The following ACOT9 variants were observed in gnomAD, a reference collection of about 807,000 sequenced individuals.
ACOT9 encodes the protein acyl-coenzyme A thioesterase 9, mitochondrial.
Under a neutral mutation model 39.7 loss-of-function variants are expected in ACOT9, and 34 were observed. The ratio of observed to expected loss-of-function variants is 0.86; its 90% CI spans 0.65 to 1.14. ACOT9 has a LOEUF of 1.14. Ranked by LOEUF, ACOT9 falls within the 50% of genes most tolerant of loss-of-function variation. ACOT9 has a pLI of 0.00. For synonymous variants in ACOT9, 110 were observed against 120.5 expected (o/e 0.91, Z 0.57); for missense variants, 313 against 344.1 (o/e 0.91, Z 0.71).
chrX:23,705,014 T>G lies in ACOT9; in HGVS notation c.1086A>C (p.Ser362=). The change falls in exon 14 of 16, where the codon TCA becomes TCC. Residue 362 remains serine, a synonymous_variant. Coordinates refer to ENST00000379303, the MANE Select transcript of ACOT9 (RefSeq NM_001037171.2). Reference sequence around the variant, plus strand: ...CTACCTGTGAAGAAAGAAAGAGCAATGAGCCAACCTCAACAGGTTTCTGAA... The same window carrying G: ...CTACCTGTGAAGAAAGAAAGAGCAAGGAGCCAACCTCAACAGGTTTCTGAA... ...IMFQKPVEVG[S]LLFLSSQVCF... 1.7e-6 allele frequency: 2 copies of G among 1,210,935 alleles called. No individual in the cohort carries two copies. Among genetic ancestry groups the G allele is most frequent in the Non-Finnish European group, 2.2e-6 (2 of 895,182 alleles).
intron 9 of ACOT9, among the ~76,000 whole-genome samples, chrX:23,712,497 TGTAA>T (rs755487426): frequency 1.3e-4 from 14 of 110,477 alleles, no homozygotes; most frequent in African/African-American, 3.0e-4. Context: ...TTTTTATGTC[TGTAA>T]GTCTGTTTTT....
chrX:23,714,378 T>C (rs1328160464), intron 8 of ACOT9, among the ~76,000 whole-genome samples: 2 of 111,367 alleles, frequency 1.8e-5, no homozygotes, highest in African/African-American at 6.5e-5. Context: ...TTAAGTTAAA[T>C]ACAGGTTGAG....
At chrX:23,733,934 T>C (rs893598356) in intron 3 of ACOT9, among the ~76,000 whole-genome samples, 6 of 111,860 alleles carry the variant, frequency 5.4e-5, no homozygotes, top group African/African-American at 1.6e-4. Context: ...GCTAATTTTG[T>C]ATTTTTAGTA....
chrX:23,733,819 T>G (rs1173480588), intron 3 of ACOT9, among the ~76,000 whole-genome samples: 1 of 112,221 alleles, frequency 8.9e-6, no homozygotes, highest in African/African-American at 3.2e-5. Flanking sequence ...TGGAGTGCAA[T>G]AGCACGATCT....
intron 4 of ACOT9, 109 bp from the exon 5 acceptor site, chrX:23,731,095 G>A: frequency 5.0e-6 from 3 of 604,216 alleles, no homozygotes; most frequent in Non-Finnish European, 4.9e-6. Context: ...GAAGGTCTGG[G>A]CCTACTTTCA....
At chrX:23,710,086 T>G (rs764360654) in intron 9 of ACOT9, among the ~76,000 whole-genome samples, 1 of 111,873 alleles carries the variant, frequency 8.9e-6, no homozygotes, top group Non-Finnish European at 1.9e-5. Flanking sequence ...AGATGGGGAT[T>G]CGCCATGTTG....
chrX:23,714,661 A>G (rs1419408653), intron 8 of ACOT9, among the ~76,000 whole-genome samples: 1 of 111,027 alleles, frequency 9.0e-6, no homozygotes, highest in Non-Finnish European at 1.9e-5. Context: ...GTCTCACTCT[A>G]TCACCCAGGT....
intron 8 of ACOT9, 102 bp from the exon 9 acceptor site, chrX:23,713,310 G>A (rs987856848): frequency 2.5e-5 from 16 of 632,046 alleles, no homozygotes; most frequent in Non-Finnish European, 3.7e-5. Context: ...AGGTGCAGTC[G>A]CTCACGCCTA....
intron 11 of ACOT9, among the ~76,000 whole-genome samples, chrX:23,706,118 T>G (rs1253548699): frequency 4.7e-5 from 5 of 105,602 alleles, no homozygotes; most frequent in Non-Finnish European, 5.8e-5. Context: ...TACAAAATAA[T>G]TAGCAGGCGT....
Position 23,736,030 on chromosome X carries a change from T to A in ACOT9, c.21-14A>T. 1.7e-6 allele frequency: 2 copies of A among 1,188,651 alleles called. No homozygotes were observed. Among genetic ancestry groups the A allele is most frequent in the Non-Finnish European group, 2.3e-6 (2 of 878,520 alleles). ...AAGGCACAAAGCCTATAAAACAAGA[T>A]AAAACACAGAGCAGATCCCACAGCT... On this transcript the variant is annotated splice_polypyrimidine_tract_variant and intron_variant, in intron 1 of 15. Transcript: ENST00000379303.
chrX:23,705,218 G>A (rs1270403612), intron 13 of ACOT9, 138 bp from the exon 14 acceptor site: 1 of 598,314 alleles, frequency 1.7e-6, no homozygotes, highest in African/African-American at 2.3e-5. Flanking sequence ...TCCTACCAGT[G>A]AGAAATGGTA....
At chrX:23,716,714 T>A (rs1298652646) in intron 8 of ACOT9, among the ~76,000 whole-genome samples, 2 of 111,441 alleles carry the variant, frequency 1.8e-5, no homozygotes, top group Non-Finnish European at 3.8e-5. Flanking sequence ...TGAGATGGGG[T>A]CTCACTCTGT....
At chrX:23,739,806 A>T (rs1930071266) in intron 1 of ACOT9, among the ~76,000 whole-genome samples, 2 of 110,419 alleles carry the variant, frequency 1.8e-5, no homozygotes, top group African/African-American at 6.6e-5. Context: ...CCAAAAAAAA[A>T]GGAAAGATAG....
intron 10 of ACOT9, 126 bp downstream of exon 10, chrX:23,707,750 CA>C: frequency 2.2e-6 from 1 of 454,138 alleles, no homozygotes; most frequent in Non-Finnish European, 3.4e-6. Flanking sequence ...AAAAAACAAA[CA>C]AAAAAACAAA....
At chrX:23,706,580 A>AC in intron 11 of ACOT9, 48 bp downstream of exon 11, 3 of 601,419 alleles carry the variant, frequency 5.0e-6, no homozygotes, top group Non-Finnish European at 5.2e-6. Flanking sequence ...AAAAAAAAAA[A>AC]GGCCAAGGTT....
chrX:23,731,985 C>T (rs1344843053), intron 4 of ACOT9, among the ~76,000 whole-genome samples: 1 of 111,229 alleles, frequency 9.0e-6, no homozygotes, highest in Non-Finnish European at 1.9e-5. Flanking sequence ...AAATGTTTAC[C>T]CTACAAAAAC....
chrX:23,723,470 C>T lies in ACOT9; in HGVS notation c.401-717G>A, dbSNP rs767981929. 2.7e-3 allele frequency among the ~76,000 whole-genome samples: 290 copies of T among 108,528 alleles called. 1 individual carries two copies. The highest frequency in any genetic ancestry group is 9.2e-3 in the African/African-American group (276 of 29,842). The allele number at this position is 108,528 out of a possible 115,157, so 94.2% of individuals were successfully genotyped here. A position where few individuals can be genotyped will look rare whatever the true frequency, so the allele number is the denominator to read the frequency against. On this transcript the variant is annotated intron_variant, in intron 6 of 15. Coordinates refer to ENST00000379303, the MANE Select transcript of ACOT9 (RefSeq NM_001037171.2). ...GTCTACTAAAAATACAAAAATTAGC[C>T]GGGCGTGGTGGCGTCCCAGTTACTC...
intron 8 of ACOT9, 93 bp downstream of exon 8, chrX:23,721,788 C>T: frequency 1.4e-6 from 1 of 692,010 alleles, no homozygotes; most frequent in South Asian, 2.9e-5. Flanking sequence ...GAGCAACATA[C>T]CTGTCTACAG....
In ACOT9 at chrX:23,731,902, C is replaced by T. The variant is rs766356078; in HGVS notation, c.192-916G>A. 1.2e-4 allele frequency among the ~76,000 whole-genome samples: 13 copies of T among 111,974 alleles called. No homozygotes were observed. In the East Asian group the frequency reaches 1.9e-3, roughly 17 times the overall value. On this transcript the variant is annotated intron_variant, in intron 4 of 15. Coordinates refer to ENST00000379303, the MANE Select transcript of ACOT9 (RefSeq NM_001037171.2). ...AAGAGAAAAGAAAGACAAGGGGATA[C>T]GGAACGACAATGTTGATAAGAACAT... is the stretch of plus-strand genomic sequence containing the variant.
Sources: allele counts gnomAD v4.1 joint callset (sites outside exome capture counted in the v4.1 genomes callset), GRCh38; gene constraint gnomAD v4.1.1; transcripts MANE v1.5; gene names NCBI Gene and HGNC (gene_info 2026-07-23, HGNC 2026-07-21).